KIF24: variants seen among roughly 807,000 people sequenced by gnomAD.
KIF24 encodes the protein kinesin family member 24.
A neutral mutation model predicts 118.9 loss-of-function variants in KIF24; 81 were observed. The observed-to-expected ratio is 0.68, with a 90% CI of 0.57 to 0.82. The LOEUF is 0.82. Among genes scored for constraint, KIF24 ranks in the 40% least tolerant of loss-of-function variants. The pLI, the probability that KIF24 is intolerant of heterozygous loss-of-function variation, is 0.00. For missense variants in KIF24, 1,560 were observed against 1,661.6 expected (o/e 0.94, Z 1.06); for synonymous variants, 599 against 610.0 (o/e 0.98, Z 0.27).
rs1469145796 is a variant in KIF24, at chr9:34,252,413, A to ACAT, written c.*1964_*1966dup. The ACAT allele has an allele frequency of 1.3e-5, 2 of 152,678 alleles. No individual in the cohort carries two copies. The highest frequency in any genetic ancestry group is 2.1e-4 in the South Asian group (1 of 4,836). The allele number at this position is 152,678 out of a possible 1,614,324, so 9.5% of individuals were successfully genotyped here. On this transcript the variant is annotated 3_prime_UTR_variant, in exon 13 of 13. Coordinates refer to ENST00000402558, the MANE Select transcript of KIF24 (RefSeq NM_194313.4). ...TCTGGTTTGTTTTGTATTATGTTGT[A>ACAT]CATCATTAAAGATCTAAATACAAAG...
intron 4 of KIF24, among the ~76,000 whole-genome samples, chr9:34,291,980 C>T (rs926069422): frequency 6.6e-6 from 1 of 152,106 alleles, no homozygotes; most frequent in African/African-American, 2.4e-5. Flanking sequence ...TAGGAAATTC[C>T]TTGTGGGCTC....
intron 6 of KIF24, among the ~76,000 whole-genome samples, chr9:34,275,100 C>T (rs902032350): frequency 1.2e-4 from 18 of 152,066 alleles, no homozygotes; most frequent in Non-Finnish European, 2.1e-4. Flanking sequence ...CTATAGTCAA[C>T]AATATTTTAT....
At chr9:34,299,506 C>T (rs189309786) in intron 3 of KIF24, among the ~76,000 whole-genome samples, 235 of 151,498 alleles carry the variant, frequency 1.6e-3, no homozygotes, top group Non-Finnish European at 2.7e-3. Flanking sequence ...ATTATTTGCA[C>T]CACCGCATTC....
intron 4 of KIF24, among the ~76,000 whole-genome samples, chr9:34,290,784 G>C (rs945078332): frequency 4.6e-5 from 7 of 151,982 alleles, no homozygotes; most frequent in African/African-American, 1.7e-4. Context: ...ATTTTTAGTA[G>C]AGATGGGGTT....
rs753863428 is a variant in KIF24, at chr9:34,306,261, A to G, written c.804T>C (p.Tyr268=). The G allele has an allele frequency of 6.3e-7, 1 of 1,594,946 alleles. No homozygotes were observed. Reference sequence around the variant, plus strand: ...AACGAAAACATCATACCTGCAGAATATATTGAGTGAGGTCAACTGCTTCTT... The same window carrying G: ...AACGAAAACATCATACCTGCAGAATGTATTGAGTGAGGTCAACTGCTTCTT... The part of the protein sequence containing the change: ...EKKEAVDLTQ[Y]ILQHVFYFDE... The change falls in exon 3 of 13, where the codon TAT becomes TAC. Residue 268 remains tyrosine, a synonymous_variant. Transcript: ENST00000402558.
chr9:34,267,894 C>T (rs1050068128), intron 8 of KIF24, among the ~76,000 whole-genome samples: 1 of 152,132 alleles, frequency 6.6e-6, no homozygotes, highest in East Asian at 1.9e-4. Context: ...CACAAAGATG[C>T]AGGTGGCCAA....
At chr9:34,299,478 T>C (rs1230145984) in intron 3 of KIF24, among the ~76,000 whole-genome samples, 1 of 151,730 alleles carries the variant, frequency 6.6e-6, no homozygotes, top group Non-Finnish European at 1.5e-5. Flanking sequence ...CCATGCTGGC[T>C]GATATATATT....
intron 2 of KIF24, among the ~76,000 whole-genome samples, chr9:34,309,966 G>A (rs1274184939): frequency 2.0e-5 from 2 of 98,152 alleles, no homozygotes; most frequent in African/African-American, 3.1e-5. Context: ...AAAACAAGGA[G>A]TACTTTTTTT....
rs975723924 is a variant in KIF24, at chr9:34,318,845, C to T, written c.-25-7474G>A. The T allele has an allele frequency of 1.1e-5, 18 of 1,601,278 alleles. No homozygotes were observed. The Admixed American group carries it at 1.7e-4, about 15-fold the overall frequency. On this transcript the variant is annotated intron_variant, in intron 1 of 12. Transcript: ENST00000402558. This position sits in a 1 kb window ranked among gnomAD's most constrained non-coding sequence, Gnocchi z 4.9. Reference sequence around the variant, plus strand: ...AGTGAGTTTCGCTGATGACTTCGTGCGCAGCAGCAAGCAGCACTACAACTG... The same window carrying T: ...AGTGAGTTTCGCTGATGACTTCGTGTGCAGCAGCAAGCAGCACTACAACTG...
chr9:34,316,290 G>A (rs1333423161), intron 1 of KIF24, among the ~76,000 whole-genome samples: 2 of 151,588 alleles, frequency 1.3e-5, no homozygotes, highest in Non-Finnish European at 1.5e-5. Flanking sequence ...GCAGTAAGCC[G>A]AGATCGTGTC....
In KIF24 at chr9:34,257,433, C is replaced by A; in HGVS notation, c.2174G>T (p.Gly725Val). The change falls in exon 11 of 13, where the codon GGC becomes GTC. Residue 725 changes from glycine to valine, a missense_variant. Physicochemically the swap from Gly to Val is moderately radical, Grantham distance 109. Coordinates refer to ENST00000402558, the MANE Select transcript of KIF24 (RefSeq NM_194313.4). The stretch of plus-strand genomic sequence containing the variant: ...GTACTCAGCCCTGTGGTGGGCGTTG[C>A]CAAAGGAGAGCTCAACTCGAGACAC... Reference protein sequence around the residue: ...QLVSRVELSFGNAHHRAEYSQ... With the variant: ...QLVSRVELSFVNAHHRAEYSQ... 1 of 1,614,032 alleles carries A rather than the reference C, an allele frequency of 6.2e-7. No homozygotes were observed. The highest frequency in any genetic ancestry group is 8.5e-7 in the Non-Finnish European group (1 of 1,179,900).
intron 3 of KIF24, among the ~76,000 whole-genome samples, chr9:34,299,394 C>G (rs796622222): frequency 1.3e-5 from 2 of 151,882 alleles, no homozygotes; most frequent in South Asian, 2.1e-4. Flanking sequence ...GTTGGCCAGG[C>G]TGGTCTCGAA....
chr9:34,286,750 G>C, intron 5 of KIF24, 46 bp from the exon 6 acceptor site: 5 of 1,328,978 alleles, frequency 3.8e-6, no homozygotes, highest in Non-Finnish European at 5.4e-6. Flanking sequence ...TACTAAAACA[G>C]ACTTTGTTCT....
At chr9:34,302,415 C>T (rs1000954090) in intron 3 of KIF24, among the ~76,000 whole-genome samples, 43 of 150,980 alleles carry the variant, frequency 2.8e-4, no homozygotes, top group Non-Finnish European at 5.5e-4. Context: ...GTGATCCTCC[C>T]ACCTCAGCCT....
Position 34,299,106 on chromosome 9 carries a change from TA to T in KIF24, c.814-1993del, listed in dbSNP as rs1437620098. Among the ~76,000 whole-genome samples the T allele has an allele frequency of 7.9e-5, 12 of 151,950 alleles. No individual in the cohort carries two copies. The East Asian group carries it at 2.3e-3, about 29-fold the overall frequency. On this transcript the variant is annotated intron_variant, in intron 3 of 12. Coordinates refer to ENST00000402558, the MANE Select transcript of KIF24 (RefSeq NM_194313.4). ...TATATAGTATATATACACACATATA[TA>T]AAAATATACATACATATATATTCTT...
At chr9:34,325,339 C>T (rs1403396808) in intron 1 of KIF24, among the ~76,000 whole-genome samples, 2 of 79,082 alleles carry the variant, frequency 2.5e-5, no homozygotes, top group South Asian at 7.1e-4. Flanking sequence ...GGTGAGACTT[C>T]GTCTCAAAAA....
chr9:34,309,540 CAAA>C (rs397960934), intron 2 of KIF24, among the ~76,000 whole-genome samples: 2 of 65,234 alleles, frequency 3.1e-5, no homozygotes, highest in Admixed American at 1.6e-4. Context: ...GACTCCGTCT[CAAA>C]AAAAAAAAAA....
chr9:34,285,366 G>A (rs917102292), intron 6 of KIF24, among the ~76,000 whole-genome samples: 2 of 152,160 alleles, frequency 1.3e-5, no homozygotes, highest in Admixed American at 6.5e-5. Flanking sequence ...GGTGGCTCAC[G>A]CCTGTAATCC....
chr9:34,306,367 A>G lies in KIF24; in HGVS notation c.698T>C (p.Leu233Pro), dbSNP rs747327349. Residue 233 changes from leucine to proline, a missense_variant, in exon 3 of 13, where the codon CTG (leucine) becomes CCG (proline). Around this residue, in one of 3 missense-constraint regions of KIF24, gnomAD observed 964 missense variants for 988.0 expected, o/e 0.98. Transcript: ENST00000402558. ...KIRVCVRKRP[L>P]GMREVRRGEI... Reference sequence around the variant, plus strand: ...TCCACGACGTACCTCCCTCATGCCCAGGGGGCGTTTTCGAACACAAACTCT... The same window carrying G: ...TCCACGACGTACCTCCCTCATGCCCGGGGGGCGTTTTCGAACACAAACTCT... The G allele has an allele frequency of 1.2e-6, 2 of 1,612,376 alleles. No homozygotes were observed. Among genetic ancestry groups the G allele is most frequent in the Non-Finnish European group, 1.7e-6 (2 of 1,178,738 alleles).
Sources: allele counts gnomAD v4.1 joint callset (sites outside exome capture counted in the v4.1 genomes callset), GRCh38; gene constraint gnomAD v4.1.1; regional missense constraint gnomAD v4.1.1; non-coding constraint Gnocchi (gnomAD v3.1); transcripts MANE v1.5; gene names NCBI Gene and HGNC (gene_info 2026-07-23, HGNC 2026-07-21).